Variants in SBF2 observed in about 807,000 individuals in gnomAD.
The protein encoded by SBF2 is SET binding factor 2, also known as myotubularin-related protein 13.
In SBF2, 112 loss-of-function variants were observed where a neutral mutation model predicts 225.2. The observed-to-expected ratio is 0.50, with a 90% confidence interval of 0.43 to 0.58. SBF2 has a LOEUF of 0.58. Among genes scored for constraint, SBF2 ranks in the 20% least tolerant of loss-of-function variants. The probability of loss-of-function intolerance (pLI) is 0.00; values close to 1 mark genes in which losing one functional copy is unlikely to be tolerated. For synonymous variants in SBF2, 763 were observed against 773.3 expected, an observed-to-expected ratio of 0.99 and a Z score of 0.22; for missense variants, 1,996 against 2,206.2, an observed-to-expected ratio of 0.90 and a Z score of 1.91.
chr11:9,895,932 A>G lies in SBF2; in HGVS notation c.1929+11T>C. On this transcript the variant is annotated intron_variant, in intron 17 of 39. Transcript: ENST00000256190. ...TCATAACAAGCTTATATATGGACCA[A>G]TGAAACTTACCCTATAGAAAGCACT... 4 of 1,595,382 alleles carry G rather than the reference A, an allele frequency of 2.5e-6. No individual in the cohort carries two copies. The highest frequency in any genetic ancestry group is 1.1e-5 in the South Asian group (1 of 90,692).
intron 1 of SBF2, among the ~76,000 whole-genome samples, chr11:10,257,643 T>C (rs1410516928): frequency 1.6e-5 from 2 of 122,740 alleles, no homozygotes; most frequent in Admixed American, 1.1e-4. Context: ...CCAGCCTGGG[T>C]GACAGAGTGA....
intron 2 of SBF2, among the ~76,000 whole-genome samples, chr11:10,172,607 C>T (rs1012957451): frequency 4.6e-5 from 7 of 152,244 alleles, no homozygotes; most frequent in Non-Finnish European, 1.0e-4. Context: ...CCGGCCTCGG[C>T]CTCCCGAAGT....
intron 2 of SBF2, among the ~76,000 whole-genome samples, chr11:10,153,347 T>C (rs1955309943): frequency 6.6e-6 from 1 of 152,156 alleles, no homozygotes; most frequent in Non-Finnish European, 1.5e-5. Flanking sequence ...CAAATCTACA[T>C]CTTCTGACCA....
intron 28 of SBF2, among the ~76,000 whole-genome samples, chr11:9,827,142 T>C (rs1034865754): frequency 6.6e-6 from 1 of 152,110 alleles, no homozygotes; most frequent in Non-Finnish European, 1.5e-5. Context: ...CCGGCCTACT[T>C]AGTATCTTTT....
Position 10,145,972 on chromosome 11 carries a change from C to T in SBF2, c.141+47930G>A, listed in dbSNP as rs1456559740. On this transcript the variant is annotated intron_variant, in intron 2 of 39. Transcript: ENST00000256190. ...CAAATCAGGAATGCAGTTCCATTCA[C>T]AATTGCCAAAAAAAGAAAGAGATAC... Among the ~76,000 whole-genome samples, 4 of 152,022 alleles carry T rather than the reference C, an allele frequency of 2.6e-5. No individual in the cohort carries two copies. The South Asian group carries it at 8.3e-4, about 31-fold the overall frequency.
chr11:9,831,894 A>G (rs909046444), intron 27 of SBF2, among the ~76,000 whole-genome samples: 9 of 152,218 alleles, frequency 5.9e-5, no homozygotes, highest in African/African-American at 2.2e-4. Flanking sequence ...CCCAGGAGAA[A>G]GAAAAAAGAT....
chr11:10,135,112 C>G (rs1954283182), intron 2 of SBF2, among the ~76,000 whole-genome samples: 1 of 152,214 alleles, frequency 6.6e-6, no homozygotes, highest in Non-Finnish European at 1.5e-5. Flanking sequence ...CTGGCAGGCT[C>G]AACACCGCGT....
intron 3 of SBF2, among the ~76,000 whole-genome samples, chr11:10,040,830 G>A (rs189947532): frequency 1.4e-4 from 22 of 151,892 alleles, no homozygotes; most frequent in Non-Finnish European, 1.6e-4. Flanking sequence ...CAAATAAAAC[G>A]ATGGGGCAAA....
intron 32 of SBF2, among the ~76,000 whole-genome samples, chr11:9,803,217 C>G (rs1853590365): frequency 2.1e-5 from 1 of 48,396 alleles, no homozygotes; most frequent in Non-Finnish European, 5.1e-5. Flanking sequence ...TAACTCTTTA[C>G]TTGAAAAAAA....
intron 2 of SBF2, among the ~76,000 whole-genome samples, chr11:10,070,653 G>T (rs1232688370): frequency 6.6e-6 from 1 of 152,104 alleles, no homozygotes; most frequent in African/African-American, 2.4e-5. Context: ...CTCTTTTTTG[G>T]TTCCATATGA....
chr11:10,110,957 A>G (rs1005436829), intron 2 of SBF2, among the ~76,000 whole-genome samples: 5 of 152,172 alleles, frequency 3.3e-5, no homozygotes, highest in Non-Finnish European at 7.4e-5. Flanking sequence ...AGCTAGTCAT[A>G]TATCAATGCA....
At chr11:10,012,441 C>T (rs1948493837) in intron 6 of SBF2, among the ~76,000 whole-genome samples, 1 of 152,192 alleles carries the variant, frequency 6.6e-6, no homozygotes, top group Admixed American at 6.5e-5. Context: ...GATGCCTGGC[C>T]TGTTTCAGTT....
At chr11:9,850,430 A>T (rs1856842941) in intron 21 of SBF2, among the ~76,000 whole-genome samples, 2 of 151,878 alleles carry the variant, frequency 1.3e-5, no homozygotes, top group South Asian at 4.2e-4. Flanking sequence ...TTATTTTTAA[A>T]TTTTTTTTGT....
intron 1 of SBF2, among the ~76,000 whole-genome samples, chr11:10,287,839 G>T (rs907785414): frequency 3.3e-5 from 5 of 152,208 alleles, no homozygotes; most frequent in African/African-American, 1.2e-4. Flanking sequence ...TACCAGCCTG[G>T]ATCCCATGCC....
Position 9,781,405 on chromosome 11 carries a change from A to G in SBF2, c.5451+102T>C, listed in dbSNP as rs3763862. ...CCATAGCCAAGGGGGTCTGTCATCC[A>G]TCTGTAGTCACCACCAATTACTCTG... On this transcript the variant is annotated intron_variant, in intron 39 of 39. Transcript: ENST00000256190. 5 of 1,497,970 alleles carry G rather than the reference A, an allele frequency of 3.3e-6. No homozygotes were observed. The African/African-American group carries it at 6.9e-5, about 21-fold the overall frequency. The allele number at this position is 1,497,970 out of a possible 1,614,324, so 92.8% of individuals were successfully genotyped here. A position where few individuals can be genotyped will look rare whatever the true frequency, so the allele number is the denominator to read the frequency against.
chr11:10,135,849 G>T (rs61878638), intron 2 of SBF2, among the ~76,000 whole-genome samples: 38,510 of 151,878 alleles, frequency 0.25, 5,057 homozygotes, highest in Middle Eastern at 0.32. Context: ...TTCCAACCTC[G>T]GCCTGCTACC....
In SBF2 at chr11:9,839,485, C is replaced by G; in HGVS notation, c.3455+13G>C. 6.2e-7 allele frequency: 1 copy of G among 1,612,362 alleles called. No homozygotes were observed. Among genetic ancestry groups the G allele is most frequent in the East Asian group, 2.2e-5 (1 of 44,888 alleles). On this transcript the variant is annotated intron_variant, in intron 26 of 39. Transcript: ENST00000256190. ...AAGGAAGACCTCTTTTTGGAGCCCA[C>G]TGACACACTTACCTCCGGCAGAGTG...
At chr11:10,151,794 C>T (rs1376266639) in intron 2 of SBF2, among the ~76,000 whole-genome samples, 3 of 152,106 alleles carry the variant, frequency 2.0e-5, no homozygotes, top group Non-Finnish European at 2.9e-5. Context: ...TGCCCATCTT[C>T]CTCTTTATAT....
intron 1 of SBF2, among the ~76,000 whole-genome samples, chr11:10,282,210 C>T (rs1302068798): frequency 6.6e-6 from 1 of 152,000 alleles, no homozygotes; most frequent in Non-Finnish European, 1.5e-5. Flanking sequence ...TCCATGATAC[C>T]ATATCATGCT....
Sources: gnomAD v4.1 joint callset for allele counts (sites outside exome capture counted in the v4.1 genomes callset) on GRCh38, gnomAD v4.1.1 for gene constraint, MANE v1.5 for transcripts, NCBI Gene and HGNC (gene_info 2026-07-23, HGNC 2026-07-21) for gene names.